Variants in TLN2 observed in about 807,000 individuals in gnomAD.
TLN2 encodes talin-2.
TLN2 carries 118 observed loss-of-function variants against 294.7 expected under a neutral mutation model. The ratio of observed to expected loss-of-function variants is 0.40; its 90% CI spans 0.34 to 0.47. The LOEUF (loss-of-function observed/expected upper bound fraction) is 0.47, where lower values mean the gene tolerates loss of function less well. Ranked by LOEUF, TLN2 falls within the 20% of genes least tolerant of loss-of-function variation. The pLI is 0.84. For synonymous variants in TLN2, 1,431 were observed against 1,304.5 expected, an observed-to-expected ratio of 1.10 and a Z score of -2.09; for missense variants, 3,083 against 3,282.2, an observed-to-expected ratio of 0.94 and a Z score of 1.48.
chr15:62,529,496 C>G (rs1275033350), intron 1 of TLN2, among the ~76,000 whole-genome samples: 1 of 151,068 alleles, frequency 6.6e-6, no homozygotes, highest in African/African-American at 2.4e-5. Context: ...CCCATCCTGT[C>G]TCCAATCCCT....
intron 1 of TLN2, among the ~76,000 whole-genome samples, chr15:62,461,201 C>A (rs575853426): frequency 6.6e-5 from 10 of 152,286 alleles, no homozygotes; most frequent in Non-Finnish European, 1.5e-4. Flanking sequence ...GCGTCGGCCT[C>A]CCAAAATGCT....
In TLN2 at chr15:62,815,364, C is replaced by G. The variant is rs145674916; in HGVS notation, c.6772-4152C>G. Among the ~76,000 whole-genome samples the G allele has an allele frequency of 7.9e-3, 1,209 of 152,206 alleles. 13 individuals carry two copies. The highest frequency in any genetic ancestry group is 0.014 in the South Asian group (66 of 4,822). ...CTGTACCTGTAGATCTTAGGGTAGT[C>G]TTCCTGAAATGCTTGAAAAATTGAT... is the stretch of plus-strand genomic sequence containing the variant. On this transcript the variant is annotated intron_variant, in intron 52 of 58. Transcript: ENST00000636159.
intron 1 of TLN2, among the ~76,000 whole-genome samples, chr15:62,433,062 C>T (rs2035095738): frequency 6.6e-6 from 1 of 152,082 alleles, no homozygotes; most frequent in Admixed American, 6.5e-5. Flanking sequence ...AATAGAGGGG[C>T]AGAGGGTGTG....
Position 62,842,686 on chromosome 15 carries a change from C to T in TLN2, c.*2076C>T, listed in dbSNP as rs2070831730. The T allele has an allele frequency of 6.6e-6, 1 of 152,176 alleles. No homozygotes were observed. The highest frequency in any genetic ancestry group is 1.5e-5 in the Non-Finnish European group (1 of 68,034). The allele number at this position is 152,176 out of a possible 1,614,324, so 9.4% of individuals were successfully genotyped here. A position where few individuals can be genotyped will look rare whatever the true frequency, so the allele number is the denominator to read the frequency against. ...TCAGAGTCATTTAAAACCTTTACTG[C>T]ATTTGATACCAGAAAAGCCTCCAGA... On this transcript the variant is annotated 3_prime_UTR_variant, in exon 59 of 59. Transcript: ENST00000636159.
chr15:62,688,771 T>C (rs1249498095), intron 12 of TLN2, among the ~76,000 whole-genome samples: 3 of 152,158 alleles, frequency 2.0e-5, no homozygotes. Context: ...GTTAGTAATT[T>C]TTGTTTTTCT....
intron 3 of TLN2, among the ~76,000 whole-genome samples, chr15:62,627,149 A>T (rs530382413): frequency 7.2e-5 from 11 of 152,292 alleles, no homozygotes; most frequent in African/African-American, 2.4e-4. Flanking sequence ...TTTCATCATC[A>T]CTGAAGGCTA....
intron 3 of TLN2, among the ~76,000 whole-genome samples, chr15:62,627,922 ATT>A: frequency 1.3e-5 from 2 of 152,306 alleles, no homozygotes; most frequent in South Asian, 4.1e-4. Context: ...CAGTTTTAGC[ATT>A]GGAATTTAAT....
rs138975281 is a variant in TLN2 at position 62,840,606 on chromosome 15, G to A, written c.7625G>A (p.Gly2542Asp). The A allele has an allele frequency of 2.7e-5, 44 of 1,613,862 alleles. No homozygotes were observed. In the African/African-American group the frequency reaches 5.7e-4, roughly 21 times the overall value. ...FLPTELREDE[G>D] ...CCCACCGAGCTGAGGGAAGATGAGG[G>A]CTAAAGGTGCGAGCCCAGATGGCGA... The change falls in exon 59 of 59, where the codon GGC becomes GAC. Residue 2542 changes from glycine to aspartate, a missense_variant. Coordinates refer to ENST00000636159, the MANE Select transcript of TLN2 (RefSeq NM_015059.3).
At chr15:62,751,494 C>T (rs2061937186) in intron 34 of TLN2, among the ~76,000 whole-genome samples, 1 of 152,218 alleles carries the variant, frequency 6.6e-6, no homozygotes, top group South Asian at 2.1e-4. Flanking sequence ...TTTTGTATAT[C>T]TAAGCAATTT....
rs1021680271 is a variant in TLN2 at position 62,719,863 on chromosome 15, A to G, written c.2974A>G (p.Ser992Gly). 3.1e-6 allele frequency: 5 copies of G among 1,610,460 alleles called. No homozygotes were observed. The African/African-American group carries it at 6.7e-5, about 22-fold the overall frequency. The change falls in exon 25 of 59, where the codon AGC (serine) becomes GGC (glycine). Residue 992 changes from serine to glycine, a missense_variant. Physicochemically the swap from Ser to Gly is moderately conservative, Grantham distance 56 (BLOSUM62 0). Transcript: ENST00000636159. ...TGCCCAGCTGGCTCTCATCATCTCC[A>G]GCCAGAACTTCCTCCAGGTAACAGG... ...LSAQLALIIS[S>G]QNFLQPGSKM...
At position 62,792,510 on chromosome 15, in the gene TLN2, G is replaced by T. The variant is rs2065143979; in HGVS notation, c.5737-131G>T. On this transcript the variant is annotated intron_variant, in intron 45 of 58. Coordinates refer to ENST00000636159, the MANE Select transcript of TLN2 (RefSeq NM_015059.3). ...CAAATTCCATACTTCACCAAACACAGACTCCTAATAGGAGTGGAATTTTCC... is the reference window on the plus strand; with the variant it reads ...CAAATTCCATACTTCACCAAACACATACTCCTAATAGGAGTGGAATTTTCC... 1.2e-5 allele frequency: 15 copies of T among 1,215,566 alleles called. No individual in the cohort carries two copies. The South Asian group carries it at 2.4e-4, about 19-fold the overall frequency. The allele number at this position is 1,215,566 out of a possible 1,614,324, so 75.3% of individuals were successfully genotyped here.
At position 62,753,808 on chromosome 15, in the gene TLN2, C is replaced by G; in HGVS notation, c.4368C>G (p.Ser1456Arg). The change falls in exon 36 of 59, where the codon AGC becomes AGG. Residue 1456 changes from serine (S) to arginine (R), a missense_variant. By Grantham distance (110) the Ser-to-Arg change is moderately radical (BLOSUM62 -1). Transcript: ENST00000636159. The part of the protein sequence containing the change: ...AYLVGISDPN[S>R]QAGHQGLVDP... Reference sequence around the variant, plus strand: ...TGGTTGGCATCTCTGATCCAAACAGCCAGGCAGGCCACCAGGGCCTGGTGG... The same window carrying G: ...TGGTTGGCATCTCTGATCCAAACAGGCAGGCAGGCCACCAGGGCCTGGTGG... The G allele has an allele frequency of 2.5e-6, 4 of 1,611,638 alleles. No homozygotes were observed. Among genetic ancestry groups the G allele is most frequent in the Non-Finnish European group, 3.4e-6 (4 of 1,178,894 alleles).
intron 20 of TLN2, 67 bp from the exon 21 acceptor site, chr15:62,708,435 C>A: frequency 1.3e-6 from 2 of 1,536,876 alleles, no homozygotes; most frequent in South Asian, 1.2e-5. Flanking sequence ...GATGGGACTG[C>A]GGGGGCACAT....
chr15:62,649,174 G>T (rs948555096), intron 4 of TLN2, among the ~76,000 whole-genome samples: 2 of 151,976 alleles, frequency 1.3e-5, no homozygotes, highest in Non-Finnish European at 2.9e-5. Flanking sequence ...TATTAGTAGT[G>T]TTTCTAGATT....
rs544599751 is a variant in TLN2 at position 62,489,879 on chromosome 15, A to G, written c.-238+99194A>G. On this transcript the variant is annotated intron_variant, in intron 1 of 58. Transcript: ENST00000636159. ...TTGTCAACAGCCATGTGAGTACCCCATGTTGGAATGGGTCCTCAGCCCTGG... is the reference window on the plus strand; with the variant it reads ...TTGTCAACAGCCATGTGAGTACCCCGTGTTGGAATGGGTCCTCAGCCCTGG... Among the ~76,000 whole-genome samples, 11 of 152,340 alleles carry G rather than the reference A, an allele frequency of 7.2e-5. No individual in the cohort carries two copies. The East Asian group carries it at 1.9e-3, about 27-fold the overall frequency.
intron 19 of TLN2, among the ~76,000 whole-genome samples, chr15:62,706,462 C>G (rs1184178637): frequency 1.3e-5 from 2 of 152,218 alleles, no homozygotes; most frequent in East Asian, 3.8e-4. Context: ...AATTCCTACC[C>G]AGAAGGCTGC....
At chr15:62,762,170 G>A (rs2062719905) in intron 38 of TLN2, 102 bp from the exon 39 acceptor site, 2 of 1,326,990 alleles carry the variant, frequency 1.5e-6, no homozygotes, top group Admixed American at 1.7e-5. Flanking sequence ...CTCCTTCAAA[G>A]GGCAGAGGTG....
rs942090806 is a variant in TLN2, at chr15:62,769,897, G to C, written c.5197-1067G>C. 2.0e-5 allele frequency among the ~76,000 whole-genome samples: 3 copies of C among 152,240 alleles called. No homozygotes were observed. In the East Asian group the frequency reaches 5.8e-4, roughly 29 times the overall value. On this transcript the variant is annotated intron_variant, in intron 41 of 58. Coordinates refer to ENST00000636159, the MANE Select transcript of TLN2 (RefSeq NM_015059.3). ...ATTCATGCCATTGTATTTTATCTGA[G>C]TGAGGATAGATTCTGAGAGGGGATA... is the stretch of plus-strand genomic sequence containing the variant.
At chr15:62,718,806 G>A (rs1193758919) in intron 24 of TLN2, among the ~76,000 whole-genome samples, 1 of 152,168 alleles carries the variant, frequency 6.6e-6, no homozygotes, top group East Asian at 1.9e-4. Flanking sequence ...CACAGGATGA[G>A]TGAGACCTCT....
Sources: allele counts gnomAD v4.1 joint callset (sites outside exome capture counted in the v4.1 genomes callset), GRCh38; gene constraint gnomAD v4.1.1; transcripts MANE v1.5; gene names NCBI Gene and HGNC (gene_info 2026-07-23, HGNC 2026-07-21).